The following ACSF2 variants were observed in gnomAD, a reference collection of about 807,000 sequenced individuals.
The protein encoded by ACSF2 is medium-chain acyl-CoA ligase ACSF2, mitochondrial.
A neutral mutation model predicts 79.3 loss-of-function variants in ACSF2; 52 were observed. The ratio of observed to expected loss-of-function variants is 0.66; its 90% CI spans 0.53 to 0.83. The LOEUF is 0.83. ACSF2 is among the 40% of genes least tolerant of loss of function. ACSF2 has a pLI of 0.00. For missense variants in ACSF2, 661 were observed against 803.3 expected (o/e 0.82, Z 2.14); for synonymous variants, 283 against 312.6 (o/e 0.91, Z 1.00).
chr17:50,438,086 TG>T (rs1393575260), intron 1 of ACSF2, among the ~76,000 whole-genome samples: 2 of 152,194 alleles, frequency 1.3e-5, no homozygotes, highest in Non-Finnish European at 2.9e-5. Flanking sequence ...CCAGTATCTA[TG>T]GGGGGTTGGT....
At chr17:50,444,952 T>C (rs2031200613) in intron 1 of ACSF2, among the ~76,000 whole-genome samples, 1 of 152,180 alleles carries the variant, frequency 6.6e-6, no homozygotes, top group Non-Finnish European at 1.5e-5. Context: ...GCTCACTCTG[T>C]TGCCCAGGCT....
intron 1 of ACSF2, among the ~76,000 whole-genome samples, chr17:50,452,816 G>A (rs2031761160): frequency 6.6e-6 from 1 of 152,204 alleles, no homozygotes; most frequent in Admixed American, 6.5e-5. Context: ...CTATGTTTAT[G>A]AGCACATTGC....
At position 50,474,136 on chromosome 17, in the gene ACSF2, C is replaced by T; in HGVS notation, c.1729-63C>T. The T allele has an allele frequency of 6.2e-7, 1 of 1,606,408 alleles. No homozygotes were observed. Among genetic ancestry groups the T allele is most frequent in the Non-Finnish European group, 8.5e-7 (1 of 1,173,106 alleles). ...TCCTGGCCAGGCCAGCCCCTGGTCC[C>T]CTACCCATACCCCTGTGAGCTTGCG... On this transcript the variant is annotated intron_variant, in intron 14 of 15. Coordinates refer to ENST00000300441, the MANE Select transcript of ACSF2 (RefSeq NM_025149.6). The surrounding 1 kb of genome is among the most constrained non-coding windows in gnomAD (Gnocchi z 4.2).
chr17:50,465,318 T>C (rs1184529772), intron 10 of ACSF2: 2 of 1,614,064 alleles, frequency 1.2e-6, no homozygotes, highest in African/African-American at 1.3e-5. Context: ...CCAGCTTTCT[T>C]GGACCTCTTG....
chr17:50,436,392 G>T (rs2030424890), intron 1 of ACSF2, among the ~76,000 whole-genome samples: 1 of 151,714 alleles, frequency 6.6e-6, no homozygotes, highest in Admixed American at 6.6e-5. Flanking sequence ...GCCTCCCAAA[G>T]TGCTGGGATT....
intron 3 of ACSF2, 32 bp downstream of exon 3, chr17:50,461,402 G>T: frequency 6.2e-7 from 1 of 1,612,952 alleles, no homozygotes; most frequent in African/African-American, 1.3e-5. Context: ...ACAGCTTGGT[G>T]TGCATGGGGG....
At chr17:50,448,067 G>A (rs780111123) in intron 1 of ACSF2, among the ~76,000 whole-genome samples, 2 of 152,194 alleles carry the variant, frequency 1.3e-5, no homozygotes, top group Non-Finnish European at 2.9e-5. Context: ...AACACATTCT[G>A]AGAAATACAT....
intron 1 of ACSF2, among the ~76,000 whole-genome samples, chr17:50,444,383 T>G (rs1377747991): frequency 6.6e-6 from 1 of 151,924 alleles, no homozygotes; most frequent in East Asian, 1.9e-4. Flanking sequence ...CAAAACCCTA[T>G]CTCTACTAAA....
At chr17:50,437,987 G>A (rs2030572200) in intron 1 of ACSF2, among the ~76,000 whole-genome samples, 1 of 152,112 alleles carries the variant, frequency 6.6e-6, no homozygotes, top group African/African-American at 2.4e-5. Flanking sequence ...CCACCAGAGA[G>A]CCACCATCAT....
Position 50,437,739 on chromosome 17 carries a change from A to G in ACSF2, c.128+11350A>G, listed in dbSNP as rs557632700. ...CCTGCCCATGCTAGGAAGTTGCTTC[A>G]TCTTTTGGATATTGTAGACACCCTT... On this transcript the variant is annotated intron_variant, in intron 1 of 15. Transcript: ENST00000300441. Among the ~76,000 whole-genome samples, 6 of 152,168 alleles carry G rather than the reference A, an allele frequency of 3.9e-5. No homozygotes were observed. In the South Asian group the frequency reaches 1.2e-3, roughly 32 times the overall value.
intron 1 of ACSF2, among the ~76,000 whole-genome samples, chr17:50,434,214 G>A (rs74778359): frequency 0.078 from 11,884 of 151,958 alleles, 632 homozygotes; most frequent in Admixed American, 0.14. Context: ...AGCTTCCTGG[G>A]GGACTGAGGC....
At chr17:50,473,209 G>C (rs1409270476) in intron 12 of ACSF2, 1 of 162,096 alleles carries the variant, frequency 6.2e-6, no homozygotes. Flanking sequence ...AGTGAACCGA[G>C]ATCGCGCCAC....
At chr17:50,441,351 T>C (rs149658997) in intron 1 of ACSF2, among the ~76,000 whole-genome samples, 1 of 152,306 alleles carries the variant, frequency 6.6e-6, no homozygotes, top group East Asian at 1.9e-4. Context: ...TTTTTGGTGT[T>C]TTTTGTAGGG....
At chr17:50,434,695 A>AT (rs879273965) in intron 1 of ACSF2, among the ~76,000 whole-genome samples, 2,031 of 143,858 alleles carry the variant, frequency 0.014, 33 homozygotes, top group African/African-American at 0.045. Context: ...CAAAAAAATA[A>AT]TTTTTTTTTT....
chr17:50,465,577 T>C, intron 10 of ACSF2: 1 of 1,469,480 alleles, frequency 6.8e-7, no homozygotes, highest in South Asian at 1.3e-5. Context: ...ATGGGGAAAC[T>C]GAGGCTCCCA....
chr17:50,432,917 C>G (rs963993258), intron 1 of ACSF2, among the ~76,000 whole-genome samples: 2 of 152,132 alleles, frequency 1.3e-5, no homozygotes, highest in Admixed American at 6.6e-5. Flanking sequence ...GATCCCTAAA[C>G]CCAATAAGGC....
intron 1 of ACSF2, among the ~76,000 whole-genome samples, chr17:50,454,872 G>C (rs1301628353): frequency 6.6e-6 from 1 of 152,016 alleles, no homozygotes; most frequent in Non-Finnish European, 1.5e-5. Flanking sequence ...CCATAAATCA[G>C]CCTGCCGATT....
chr17:50,472,410 G>T lies in ACSF2; in HGVS notation c.1324-18G>T. On this transcript the variant is annotated intron_variant, in intron 11 of 15. Transcript: ENST00000300441. ...GCAAGAGGATAGGAAGCCCCAACCT[G>T]AGGCCATCCTGTCCCAGGCCCGGAT... 6.2e-7 allele frequency: 1 copy of T among 1,606,024 alleles called. No homozygotes were observed. The highest frequency in any genetic ancestry group is 8.5e-7 in the Non-Finnish European group (1 of 1,176,728).
chr17:50,469,982 G>A (rs1363887958), intron 10 of ACSF2: 1 of 152,374 alleles, frequency 6.6e-6, no homozygotes, highest in Non-Finnish European at 1.5e-5. Context: ...AGCAGGCAGG[G>A]TCACAGCTCT....
Sources: gnomAD v4.1 joint callset for allele counts (sites outside exome capture counted in the v4.1 genomes callset) on GRCh38, gnomAD v4.1.1 for gene constraint, Gnocchi (gnomAD v3.1) non-coding constraint, MANE v1.5 for transcripts, NCBI Gene and HGNC (gene_info 2026-07-23, HGNC 2026-07-21) for gene names.